RAB11FIP2: variants seen among roughly 807,000 people sequenced by gnomAD.
RAB11FIP2 encodes RAB11 family interacting protein 2.
RAB11FIP2 carries 16 observed loss-of-function variants against 40.9 expected under a neutral mutation model. The observed-to-expected ratio is 0.39, with a 90% CI of 0.26 to 0.59. The LOEUF (loss-of-function observed/expected upper bound fraction) is 0.59. RAB11FIP2 is among the 20% of genes least tolerant of loss of function. The pLI, the probability that RAB11FIP2 is intolerant of heterozygous loss-of-function variation, is 0.53. For missense variants in RAB11FIP2, 532 were observed against 606.2 expected, an observed-to-expected ratio of 0.88 and a Z score of 1.28; for synonymous variants, 228 against 213.7, an observed-to-expected ratio of 1.07 and a Z score of -0.58.
chr10:118,004,961 T>G lies in RAB11FIP2; in HGVS notation c.*4037A>C, dbSNP rs569710533. ...CAACTATAAGTCAATAATCATATAT[T>G]ATATAAAAATTCTGATTCATGCATC... is the stretch of plus-strand genomic sequence containing the variant. On this transcript the variant is annotated 3_prime_UTR_variant, in exon 5 of 5. Coordinates refer to ENST00000355624, the MANE Select transcript of RAB11FIP2 (RefSeq NM_014904.3). 1.1e-4 allele frequency: 17 copies of G among 152,770 alleles called. No homozygotes were observed. The highest frequency in any genetic ancestry group is 3.3e-4 in the Admixed American group (5 of 15,296). 9.5% of individuals were successfully genotyped at this position (152,770 alleles called of 1,614,324 possible). A position where few individuals can be genotyped will look rare whatever the true frequency, so the allele number is the denominator to read the frequency against.
In RAB11FIP2 at chr10:118,039,161, A is replaced by T. The variant is rs751097725; in HGVS notation, c.1076T>A (p.Leu359Gln). ...NKREKREKVSLFERVTGKKDS... is the reference protein window; with the variant it reads ...NKREKREKVSQFERVTGKKDS... ...TTTTTTTCCAGTCACTCTTTCAAAC[A>T]GGCTAACTTTCTCCCTTTTCTCTCT... Residue 359 changes from leucine (L) to glutamine (Q), a missense_variant, in exon 3 of 5, where the codon CTG becomes CAG. Transcript: ENST00000355624. 19 of 1,613,666 alleles carry T rather than the reference A, an allele frequency of 1.2e-5. No individual in the cohort carries two copies. The highest frequency in any genetic ancestry group is 1.6e-5 in the Non-Finnish European group (19 of 1,179,794).
intron 1 of RAB11FIP2, among the ~76,000 whole-genome samples, chr10:118,042,712 GTA>G (rs1446016080): frequency 1.3e-5 from 2 of 152,088 alleles, no homozygotes; most frequent in Non-Finnish European, 2.9e-5. Flanking sequence ...GTGTGTGTGT[GTA>G]TGTGTTTACA....
intron 1 of RAB11FIP2, among the ~76,000 whole-genome samples, chr10:118,041,780 C>T (rs552040488): frequency 2.6e-4 from 39 of 152,122 alleles, no homozygotes; most frequent in Admixed American, 7.9e-4. Context: ...CATCTTTGCA[C>T]GTAACATGGA....
chr10:118,046,469 A>AG lies in RAB11FIP2; in HGVS notation c.-307dup. 2.8e-5 allele frequency: 8 copies of AG among 289,624 alleles called. No homozygotes were observed. Among genetic ancestry groups the AG allele is most frequent in the Non-Finnish European group, 5.2e-5 (8 of 154,990 alleles). The allele number at this position is 289,624 out of a possible 1,614,324, so 17.9% of individuals were successfully genotyped here. On this transcript the variant is annotated 5_prime_UTR_variant, in exon 1 of 5. Transcript: ENST00000355624. ...CTTCCCCAGGCCTGCGGGGCACGTGAGGCCTGGCCACACGGACCCGGGCGG... is the reference window on the plus strand; with the variant it reads ...CTTCCCCAGGCCTGCGGGGCACGTGAGGGCCTGGCCACACGGACCCGGGCGG...
At chr10:118,030,399 C>T (rs925114708) in intron 3 of RAB11FIP2, among the ~76,000 whole-genome samples, 3 of 152,078 alleles carry the variant, frequency 2.0e-5, no homozygotes, top group South Asian at 2.1e-4. Context: ...GTATTGGACT[C>T]GCTACGTGTT....
intron 3 of RAB11FIP2, chr10:118,034,120 T>A (rs1846451168): frequency 4.4e-6 from 3 of 688,128 alleles, no homozygotes; most frequent in Non-Finnish European, 8.0e-6. Flanking sequence ...GCTACCACCG[T>A]ACACAATTAT....
At position 118,045,553 on chromosome 10, in the gene RAB11FIP2, T is replaced by C. The variant is rs1336458974; in HGVS notation, c.353+258A>G. On this transcript the variant is annotated intron_variant, in intron 1 of 4. Coordinates refer to ENST00000355624, the MANE Select transcript of RAB11FIP2 (RefSeq NM_014904.3). ...TCATACTGAAACAATGTTAACTTAC[T>C]TAAAATCCACCACAAAATATTCAAT... The C allele has an allele frequency of 4.4e-5, 18 of 408,054 alleles. No homozygotes were observed. In the East Asian group the frequency reaches 4.6e-4, roughly 11 times the overall value. 25.3% of individuals were successfully genotyped at this position (408,054 alleles called of 1,614,324 possible).
intron 4 of RAB11FIP2, among the ~76,000 whole-genome samples, chr10:118,011,048 C>CTATG (rs1846148766): frequency 1.3e-5 from 2 of 151,756 alleles, no homozygotes; most frequent in South Asian, 4.2e-4. Flanking sequence ...ATGATTAAAG[C>CTATG]TATGTTCCAG....
In RAB11FIP2 at chr10:118,039,693, C is replaced by T. The variant is rs1846529622; in HGVS notation, c.797-253G>A. Reference sequence around the variant, plus strand: ...CTCACAATCATATAAACTATGATGTCAAAACTAGAGGTTCTGGTTGGCATG... The same window carrying T: ...CTCACAATCATATAAACTATGATGTTAAAACTAGAGGTTCTGGTTGGCATG... On this transcript the variant is annotated intron_variant, in intron 2 of 4. Coordinates refer to ENST00000355624, the MANE Select transcript of RAB11FIP2 (RefSeq NM_014904.3). The T allele has an allele frequency of 6.9e-6, 3 of 433,188 alleles. No homozygotes were observed. In the East Asian group the frequency reaches 1.1e-4, roughly 16 times the overall value. The allele number at this position is 433,188 out of a possible 1,614,324, so 26.8% of individuals were successfully genotyped here.
rs1264273681 is a variant in RAB11FIP2, at chr10:118,045,761, A to G, written c.353+50T>C. On this transcript the variant is annotated intron_variant, in intron 1 of 4. Transcript: ENST00000355624. ...GATAATTTCCAAGAACAGAAAAACC[A>G]TAAATAAGATATAAACTCCCCCAAA... is the stretch of plus-strand genomic sequence containing the variant. 2.1e-6 allele frequency: 3 copies of G among 1,421,668 alleles called. No individual in the cohort carries two copies. The African/African-American group carries it at 4.4e-5, about 21-fold the overall frequency. 88.1% of individuals were successfully genotyped at this position (1,421,668 alleles called of 1,614,324 possible). A position where few individuals can be genotyped will look rare whatever the true frequency, so the allele number is the denominator to read the frequency against.
At position 118,009,198 on chromosome 10, in the gene RAB11FIP2, C is replaced by T. The variant is rs1328481168; in HGVS notation, c.1339G>A (p.Gly447Arg). 1.9e-6 allele frequency: 3 copies of T among 1,613,284 alleles called. No homozygotes were observed. Among genetic ancestry groups the T allele is most frequent in the Admixed American group, 3.3e-5 (2 of 59,966 alleles). ...TCTTCATAGGTCAGACTACGATACC[C>T]TGCAGTGGCATCAAAGGGGTTGCTG... is the stretch of plus-strand genomic sequence containing the variant. ...PDSNPFDATA[G>R]YRSLTYEEVL... is the part of the protein sequence containing the mutation. Residue 447 changes from glycine (G) to arginine (R), a missense_variant, in exon 5 of 5, where the codon GGG becomes AGG. Transcript: ENST00000355624.
chr10:118,013,555 T>A (rs1048032084), intron 4 of RAB11FIP2, among the ~76,000 whole-genome samples: 3 of 152,144 alleles, frequency 2.0e-5, no homozygotes, highest in Admixed American at 6.6e-5. Flanking sequence ...AAACATCTTA[T>A]AATCTTCAAC....
intron 1 of RAB11FIP2, among the ~76,000 whole-genome samples, chr10:118,044,324 T>C (rs1174106732): frequency 6.6e-6 from 1 of 152,152 alleles, no homozygotes; most frequent in Non-Finnish European, 1.5e-5. Flanking sequence ...AATTTGAAGG[T>C]GCAATATACT....
Position 118,046,330 on chromosome 10 carries a change from G to A in RAB11FIP2, c.-167C>T. On this transcript the variant is annotated 5_prime_UTR_variant, in exon 1 of 5. Transcript: ENST00000355624. ...GATGTCAAAACGCCTCGCGGGGGCA[G>A]CCCAGGGGCACGGCCGCTCCGGGGG... 1.6e-6 allele frequency: 1 copy of A among 637,688 alleles called. No individual in the cohort carries two copies. Among genetic ancestry groups the A allele is most frequent in the South Asian group, 2.0e-5 (1 of 50,174 alleles). 39.5% of individuals were successfully genotyped at this position (637,688 alleles called of 1,614,324 possible).
chr10:118,040,134 A>C lies in RAB11FIP2; in HGVS notation c.785T>G (p.Val262Gly), dbSNP rs140843330. ...LGHQLDSFGTVPESGSLKSPH... is the reference protein window; with the variant it reads ...LGHQLDSFGTGPESGSLKSPH... ...AATGTGACACTTACCACTTTCTGGA[A>C]CTGTTCCAAAGGAATCTAACTGGTG... The change falls in exon 2 of 5, where the codon GTT becomes GGT. Residue 262 changes from valine (V) to glycine (G), a missense_variant. By Grantham distance (109) the Val-to-Gly change is moderately radical. Coordinates refer to ENST00000355624, the MANE Select transcript of RAB11FIP2 (RefSeq NM_014904.3). The C allele has an allele frequency of 1.3e-4, 216 of 1,613,016 alleles. 1 individual carries two copies. The African/African-American group carries it at 2.6e-3, about 19-fold the overall frequency.
chr10:118,026,197 T>C (rs971038796), intron 3 of RAB11FIP2, among the ~76,000 whole-genome samples: 3 of 152,236 alleles, frequency 2.0e-5, no homozygotes, highest in African/African-American at 7.2e-5. Context: ...GTTGCCATTA[T>C]AAGATCTTAT....
At chr10:118,015,224 C>G in intron 3 of RAB11FIP2, 114 bp from the exon 4 acceptor site, 1 of 679,572 alleles carries the variant, frequency 1.5e-6, no homozygotes, top group Non-Finnish European at 2.3e-6. Context: ...CTACATTATT[C>G]AGAGGAGTGA....
At chr10:118,045,694 TGGATCATA>T in intron 1 of RAB11FIP2, 109 bp downstream of exon 1, 1 of 784,034 alleles carries the variant, frequency 1.3e-6, no homozygotes, top group East Asian at 2.7e-5. Context: ...TGCTTAAAAC[TGGATCATA>T]TTTCAATCCA....
Position 118,008,842 on chromosome 10 carries a change from C to A in RAB11FIP2, c.*156G>T. On this transcript the variant is annotated 3_prime_UTR_variant, in exon 5 of 5. Coordinates refer to ENST00000355624, the MANE Select transcript of RAB11FIP2 (RefSeq NM_014904.3). ...TGCTTCAAAGGTCACTCTTGATAGT[C>A]CCTGCTAATATTTACAGGTAAAACT... 2 of 637,652 alleles carry A rather than the reference C, an allele frequency of 3.1e-6. No homozygotes were observed. Among genetic ancestry groups the A allele is most frequent in the South Asian group, 2.0e-5 (1 of 49,862 alleles). 39.5% of individuals were successfully genotyped at this position (637,652 alleles called of 1,614,324 possible). A position where few individuals can be genotyped will look rare whatever the true frequency, so the allele number is the denominator to read the frequency against.
Sources: allele counts gnomAD v4.1 joint callset (sites outside exome capture counted in the v4.1 genomes callset), GRCh38; gene constraint gnomAD v4.1.1; transcripts MANE v1.5; gene names NCBI Gene and HGNC (gene_info 2026-07-23, HGNC 2026-07-21).